The following RUNX1 variants were observed in gnomAD, a reference collection of about 807,000 sequenced individuals.
RUNX1 encodes the protein runt-related transcription factor 1.
Under a neutral mutation model 42.8 loss-of-function variants are expected in RUNX1, and 19 were observed. That is an observed-to-expected ratio of 0.44 (90% CI 0.31 to 0.65). The LOEUF is 0.65. Among genes scored for constraint, RUNX1 ranks in the 30% least tolerant of loss-of-function variants. The pLI, the probability that RUNX1 is intolerant of heterozygous loss-of-function variation, is 0.07. For synonymous variants in RUNX1, 271 were observed against 289.4 expected, an observed-to-expected ratio of 0.94 and a Z score of 0.64; for missense variants, 528 against 672.0, an observed-to-expected ratio of 0.79 and a Z score of 2.37.
At chr21:35,029,031 C>T (rs2059256060) in intron 2 of RUNX1, among the ~76,000 whole-genome samples, 1 of 152,120 alleles carries the variant, frequency 6.6e-6, no homozygotes, top group South Asian at 2.1e-4. Flanking sequence ...AAATCAAGGT[C>T]ACCAAACCTA....
intron 6 of RUNX1, among the ~76,000 whole-genome samples, chr21:34,847,498 A>ATT (rs889408069): frequency 6.6e-6 from 1 of 152,074 alleles, no homozygotes; most frequent in African/African-American, 2.4e-5. Flanking sequence ...CTATTTTTTA[A>ATT]TTATCTAATT....
In RUNX1 at chr21:34,978,219, T is replaced by C. The variant is rs1346035702; in HGVS notation, c.58+70623A>G. Among the ~76,000 whole-genome samples, 5 of 152,348 alleles carry C rather than the reference T, an allele frequency of 3.3e-5. No individual in the cohort carries two copies. The East Asian group carries it at 9.6e-4, about 29-fold the overall frequency. On this transcript the variant is annotated intron_variant, in intron 2 of 8. Transcript: ENST00000675419. ...TCCCAGAGTGCTGGGATTACAGGCA[T>C]GAGCCACCGCGCCCCGCCCATAAAC... is the stretch of plus-strand genomic sequence containing the variant.
intron 2 of RUNX1, among the ~76,000 whole-genome samples, chr21:34,962,167 A>G (rs370992291): frequency 5.2e-5 from 8 of 152,384 alleles, no homozygotes; most frequent in Admixed American, 3.3e-4. Context: ...TGTTGAGATT[A>G]TAAGCATGTG....
At chr21:34,888,404 T>C in intron 3 of RUNX1, 2 of 1,067,398 alleles carry the variant, frequency 1.9e-6, no homozygotes, top group East Asian at 4.9e-5. Context: ...TCTCCCCCTG[T>C]TGTAAAAGGA....
chr21:34,968,305 A>T (rs966044610), intron 2 of RUNX1, among the ~76,000 whole-genome samples: 4 of 152,154 alleles, frequency 2.6e-5, no homozygotes, highest in African/African-American at 9.7e-5. Context: ...ATCAGAGAGG[A>T]TGCTAGGAAG....
At chr21:34,836,193 G>A (rs1438427477) in intron 6 of RUNX1, among the ~76,000 whole-genome samples, 2 of 152,162 alleles carry the variant, frequency 1.3e-5, no homozygotes, top group Admixed American at 6.5e-5. Flanking sequence ...CTGATTCAGC[G>A]CTCCAGCCCA....
chr21:34,873,683 G>C (rs2057771854), intron 5 of RUNX1, among the ~76,000 whole-genome samples: 1 of 152,168 alleles, frequency 6.6e-6, no homozygotes, highest in Admixed American at 6.5e-5. Flanking sequence ...ATGTCAAATG[G>C]AGCTCCTGAA....
intron 6 of RUNX1, among the ~76,000 whole-genome samples, chr21:34,850,570 T>G (rs1304827965): frequency 6.6e-6 from 1 of 152,174 alleles, no homozygotes; most frequent in East Asian, 1.9e-4. Flanking sequence ...ACCCATGTGT[T>G]AGATCTTAAG....
intron 6 of RUNX1, among the ~76,000 whole-genome samples, chr21:34,841,501 GTGA>G (rs2057234472): frequency 6.6e-6 from 1 of 152,106 alleles, no homozygotes; most frequent in African/African-American, 2.4e-5. Context: ...GGCCTCTCAG[GTGA>G]CATGAAGTAC....
chr21:34,806,166 A>G (rs2056676800), intron 7 of RUNX1, among the ~76,000 whole-genome samples: 1 of 152,212 alleles, frequency 6.6e-6, no homozygotes, highest in Admixed American at 6.5e-5. Flanking sequence ...AATACTCTAA[A>G]TGCACCAATT....
At position 34,787,951 on chromosome 21, in the gene RUNX1, G is replaced by C. The variant is rs911787572; in HGVS notation, c.*4184C>G. On this transcript the variant is annotated 3_prime_UTR_variant, in exon 9 of 9. Coordinates refer to ENST00000675419, the MANE Select transcript of RUNX1 (RefSeq NM_001754.5). The stretch of plus-strand genomic sequence containing the variant: ...CTGCCCTGCTCAGGCTGGGCACGAC[G>C]AATGCTCCCAGGAGAGGGGAGGCGG... 4.3e-6 allele frequency: 1 copy of C among 233,284 alleles called. No individual in the cohort carries two copies. The highest frequency in any genetic ancestry group is 5.6e-5 in the Admixed American group (1 of 17,784). 14.5% of individuals were successfully genotyped at this position (233,284 alleles called of 1,614,324 possible). A position where few individuals can be genotyped will look rare whatever the true frequency, so the allele number is the denominator to read the frequency against.
At chr21:34,839,924 A>G (rs934724858) in intron 6 of RUNX1, among the ~76,000 whole-genome samples, 2 of 152,174 alleles carry the variant, frequency 1.3e-5, no homozygotes, top group African/African-American at 4.8e-5. Flanking sequence ...GACTGTGTTC[A>G]TGAGCAATGA....
At chr21:34,822,358 C>T (rs561936122) in intron 7 of RUNX1, among the ~76,000 whole-genome samples, 6 of 152,308 alleles carry the variant, frequency 3.9e-5, no homozygotes, top group East Asian at 3.9e-4. Context: ...TCTATAAATA[C>T]GAGCTATCAT....
chr21:35,044,535 G>C (rs2059382843), intron 2 of RUNX1, among the ~76,000 whole-genome samples: 1 of 152,220 alleles, frequency 6.6e-6, no homozygotes, highest in Non-Finnish European at 1.5e-5. Flanking sequence ...TAAGGCTCAA[G>C]AGAGAAGTTC....
At position 34,799,520 on chromosome 21, in the gene RUNX1, CTTT is replaced by C. The variant is rs2056579599; in HGVS notation, c.806-61_806-59del. 3 of 1,504,186 alleles carry C rather than the reference CTTT, an allele frequency of 2.0e-6. No homozygotes were observed. The African/African-American group carries it at 4.1e-5, about 21-fold the overall frequency. 93.2% of individuals were successfully genotyped at this position (1,504,186 alleles called of 1,614,324 possible). A position where few individuals can be genotyped will look rare whatever the true frequency, so the allele number is the denominator to read the frequency against. ...AAGTGGGGTGGGATTTAAAAAATGT[CTTT>C]TAATAAGAAATGAGTGGCCCTTGTT... On this transcript the variant is annotated intron_variant, in intron 7 of 8. Coordinates refer to ENST00000675419, the MANE Select transcript of RUNX1 (RefSeq NM_001754.5).
In RUNX1 at chr21:35,030,630, A is replaced by G. The variant is rs373370868; in HGVS notation, c.58+18212T>C. Reference sequence around the variant, plus strand: ...GAAACTATAAAACTACTGGAAGAAAACACAGGGGAGAGGCTTCTTGCCATT... The same window carrying G: ...GAAACTATAAAACTACTGGAAGAAAGCACAGGGGAGAGGCTTCTTGCCATT... On this transcript the variant is annotated intron_variant, in intron 2 of 8. Transcript: ENST00000675419. 3.5e-4 allele frequency among the ~76,000 whole-genome samples: 54 copies of G among 152,320 alleles called. No homozygotes were observed. The South Asian group carries it at 0.011, about 30-fold the overall frequency.
chr21:34,800,182 G>A (rs2056589030), intron 7 of RUNX1, among the ~76,000 whole-genome samples: 1 of 152,154 alleles, frequency 6.6e-6, no homozygotes, highest in African/African-American at 2.4e-5. Context: ...ATTATAAGAG[G>A]CCTGGGATAG....
intron 6 of RUNX1, 159 bp downstream of exon 6, chr21:34,859,314 GC>G: frequency 1.5e-6 from 1 of 655,052 alleles, no homozygotes; most frequent in East Asian, 2.7e-5. Context: ...GCTTTGAGTA[GC>G]GAGAGTATTG....
chr21:34,853,961 TACC>T (rs2057461235), intron 6 of RUNX1, among the ~76,000 whole-genome samples: 1 of 152,054 alleles, frequency 6.6e-6, no homozygotes, highest in South Asian at 2.1e-4. Flanking sequence ...TACAGGCGTG[TACC>T]ACCACACCAG....
Sources: allele counts gnomAD v4.1 joint callset (sites outside exome capture counted in the v4.1 genomes callset), GRCh38; gene constraint gnomAD v4.1.1; transcripts MANE v1.5; gene names NCBI Gene and HGNC (gene_info 2026-07-23, HGNC 2026-07-21).